MOB4: variants seen among roughly 807,000 people sequenced by gnomAD.
The protein encoded by MOB4 is MOB-like protein phocein.
In MOB4, 4 loss-of-function variants were observed where a neutral mutation model predicts 32.2. That is an observed-to-expected ratio of 0.12 (90% CI 0.06 to 0.28). MOB4 has a LOEUF of 0.28. Ranked by LOEUF, MOB4 falls within the 10% of genes least tolerant of loss-of-function variation. MOB4 has a pLI of 1.00. For missense variants in MOB4, 158 were observed against 271.2 expected, an observed-to-expected ratio of 0.58 and a Z score of 2.93; for synonymous variants, 88 against 88.1, an observed-to-expected ratio of 1.00 and a Z score of 0.01.
At chr2:197,519,813 AG>A (rs1258117247) in intron 1 of MOB4, among the ~76,000 whole-genome samples, 4 of 152,214 alleles carry the variant, frequency 2.6e-5, no homozygotes, top group African/African-American at 9.6e-5. Flanking sequence ...TTTTTTAAAA[AG>A]GAAAGAATAG....
chr2:197,523,769 C>A, intron 2 of MOB4, 83 bp downstream of exon 2: 1 of 1,324,642 alleles, frequency 7.5e-7, no homozygotes, highest in South Asian at 1.4e-5. Flanking sequence ...GTCTGTTGGT[C>A]ACTGTGCAGC....
chr2:197,548,011 T>C (rs1446858482), intron 5 of MOB4, among the ~76,000 whole-genome samples: 1 of 152,172 alleles, frequency 6.6e-6, no homozygotes, highest in Non-Finnish European at 1.5e-5. Flanking sequence ...GAATATTGTT[T>C]AGGATATAAG....
chr2:197,530,771 TTA>T (rs1022087921), intron 2 of MOB4, among the ~76,000 whole-genome samples: 1 of 151,924 alleles, frequency 6.6e-6, no homozygotes, highest in Non-Finnish European at 1.5e-5. Context: ...TGACTAATTT[TTA>T]TGTTTTGTAG....
At chr2:197,546,735 T>C (rs1375369432) in intron 5 of MOB4, among the ~76,000 whole-genome samples, 1 of 152,196 alleles carries the variant, frequency 6.6e-6, no homozygotes, top group Non-Finnish European at 1.5e-5. Flanking sequence ...GCTTGCATTA[T>C]ACAGTTGACC....
At chr2:197,523,554 C>T in intron 1 of MOB4, 70 bp from the exon 2 acceptor site, 1 of 1,483,626 alleles carries the variant, frequency 6.7e-7, no homozygotes. Flanking sequence ...AGCTTTGGGT[C>T]TTTATTAAGA....
chr2:197,528,186 C>T (rs193199762), intron 2 of MOB4, among the ~76,000 whole-genome samples: 129 of 152,152 alleles, frequency 8.5e-4, no homozygotes, highest in Admixed American at 2.4e-3. Flanking sequence ...TTAGACCTAC[C>T]GTTTTATTAC....
intron 1 of MOB4, among the ~76,000 whole-genome samples, chr2:197,521,072 A>G (rs1385944552): frequency 6.6e-6 from 1 of 152,038 alleles, no homozygotes; most frequent in Non-Finnish European, 1.5e-5. Context: ...TAATCACATC[A>G]GGGGGGTAAA....
chr2:197,543,619 A>C (rs1465021483), intron 5 of MOB4, among the ~76,000 whole-genome samples: 1 of 152,264 alleles, frequency 6.6e-6, no homozygotes, highest in Non-Finnish European at 1.5e-5. Flanking sequence ...GCAAAAGGAC[A>C]GATACTGTAG....
At chr2:197,520,645 A>G (rs2086499408) in intron 1 of MOB4, among the ~76,000 whole-genome samples, 1 of 152,186 alleles carries the variant, frequency 6.6e-6, no homozygotes, top group Non-Finnish European at 1.5e-5. Context: ...CTGAGGTTAC[A>G]TAGGTAAACT....
chr2:197,522,305 G>T (rs1350857299), intron 1 of MOB4, among the ~76,000 whole-genome samples: 5 of 108,330 alleles, frequency 4.6e-5, no homozygotes, highest in Admixed American at 2.7e-4. Context: ...TATTTTTTTT[G>T]TACCCATGGG....
intron 2 of MOB4, among the ~76,000 whole-genome samples, chr2:197,526,024 T>C (rs1268473703): frequency 2.0e-5 from 3 of 152,348 alleles, no homozygotes; most frequent in East Asian, 1.9e-4. Context: ...AGATCTGTTT[T>C]CTTTCTTTTT....
At chr2:197,533,383 TAAAAA>T (rs1036395673) in intron 2 of MOB4, among the ~76,000 whole-genome samples, 1 of 151,530 alleles carries the variant, frequency 6.6e-6, no homozygotes, top group Non-Finnish European at 1.5e-5. Context: ...TAGGATGAGA[TAAAAA>T]AAATCAGGGA....
intron 5 of MOB4, among the ~76,000 whole-genome samples, chr2:197,543,008 ACT>A (rs78823544): frequency 0.16 from 23,927 of 152,124 alleles, 2,108 homozygotes; most frequent in Middle Eastern, 0.29. Flanking sequence ...CAAAATAAAT[ACT>A]GGATTTCGAA....
At chr2:197,532,555 G>T (rs575354927) in intron 2 of MOB4, among the ~76,000 whole-genome samples, 1 of 151,944 alleles carries the variant, frequency 6.6e-6, no homozygotes, top group Non-Finnish European at 1.5e-5. Context: ...TGTTGTGGGC[G>T]CACGCCTGTA....
At chr2:197,523,543 G>T in intron 1 of MOB4, 81 bp from the exon 2 acceptor site, 1 of 1,413,314 alleles carries the variant, frequency 7.1e-7, no homozygotes, top group South Asian at 1.3e-5. Context: ...CCTCTAGTGT[G>T]AGCTTTGGGT....
chr2:197,527,644 A>T (rs906438061), intron 2 of MOB4, among the ~76,000 whole-genome samples: 1 of 152,118 alleles, frequency 6.6e-6, no homozygotes, highest in Admixed American at 6.6e-5. Context: ...TATCTTGTCT[A>T]GTTGCTCTGG....
intron 2 of MOB4, among the ~76,000 whole-genome samples, chr2:197,526,312 T>C (rs1285504634): frequency 6.6e-6 from 1 of 152,124 alleles, no homozygotes; most frequent in Non-Finnish European, 1.5e-5. Flanking sequence ...TTCTTTTTCT[T>C]ACTTTTTTTA....
At chr2:197,532,701 A>G (rs997152804) in intron 2 of MOB4, among the ~76,000 whole-genome samples, 13 of 151,434 alleles carry the variant, frequency 8.6e-5, no homozygotes, top group African/African-American at 3.2e-4. Context: ...AAAAATAAGT[A>G]AATAAAAGTC....
At chr2:197,540,597 G>A (rs1003168947) in intron 5 of MOB4, among the ~76,000 whole-genome samples, 160 bp downstream of exon 5, 2 of 152,238 alleles carry the variant, frequency 1.3e-5, no homozygotes, top group African/African-American at 4.8e-5. Flanking sequence ...GCTATTTTAG[G>A]ATTTCTTATG....
Sources: gnomAD v4.1 joint callset for allele counts (sites outside exome capture counted in the v4.1 genomes callset) on GRCh38, gnomAD v4.1.1 for gene constraint, MANE v1.5 for transcripts, NCBI Gene and HGNC (gene_info 2026-07-23, HGNC 2026-07-21) for gene names.